DMXL1: variants seen among roughly 807,000 people sequenced by gnomAD.
DMXL1 encodes the protein Dmx like 1.
A neutral mutation model predicts 319.2 loss-of-function variants in DMXL1; 99 were observed. The observed-to-expected ratio is 0.31, with a 90% confidence interval of 0.26 to 0.37. DMXL1 has a LOEUF of 0.37. DMXL1 is among the 10% of genes least tolerant of loss of function. DMXL1 has a pLI of 1.00. For synonymous variants in DMXL1, 1,385 were observed against 1,235.2 expected, an observed-to-expected ratio of 1.12 and a Z score of -2.54; for missense variants, 3,745 against 3,595.6, an observed-to-expected ratio of 1.04 and a Z score of -1.06.
chr5:119,090,057 G>T, intron 1 of DMXL1, among the ~76,000 whole-genome samples: 2 of 89,216 alleles, frequency 2.2e-5, no homozygotes, highest in South Asian at 3.9e-4. Context: ...TTTCGCTCTT[G>T]TCGCCCATGC....
In DMXL1 at chr5:119,133,143, G is replaced by A; in HGVS notation, c.1327G>A (p.Gly443Ser). The A allele has an allele frequency of 1.2e-6, 2 of 1,613,854 alleles. No individual in the cohort carries two copies. The highest frequency in any genetic ancestry group is 1.7e-6 in the Non-Finnish European group (2 of 1,179,838). Residue 443 changes from glycine (G) to serine (S), a missense_variant, in exon 11 of 44, where the codon GGT becomes AGT. Physicochemically the swap from Gly to Ser is moderately conservative, Grantham distance 56. Coordinates refer to ENST00000539542, the MANE Select transcript of DMXL1 (RefSeq NM_001290321.3). ...TCTTTTGCTTATAGAAACTGATGAT[G>A]GTGTTGATGATCTGAAAATAAATCC... is the stretch of plus-strand genomic sequence containing the variant. ...DVKSDEETDDGVDDLKINPEK... is the reference protein window; with the variant it reads ...DVKSDEETDDSVDDLKINPEK...
intron 19 of DMXL1, among the ~76,000 whole-genome samples, chr5:119,154,368 A>G (rs576860178): frequency 6.6e-6 from 1 of 152,378 alleles, no homozygotes; most frequent in South Asian, 2.1e-4. Context: ...AAAGGAAACT[A>G]AACGTTCTCC....
chr5:119,242,453 G>A (rs936518344), intron 42 of DMXL1, among the ~76,000 whole-genome samples: 13 of 152,136 alleles, frequency 8.5e-5, no homozygotes, highest in Non-Finnish European at 1.6e-4. Flanking sequence ...CTATAAAAAT[G>A]ATTTAAATCA....
intron 19 of DMXL1, among the ~76,000 whole-genome samples, chr5:119,157,366 C>T (rs1162447185): frequency 6.6e-6 from 1 of 152,122 alleles, no homozygotes; most frequent in Non-Finnish European, 1.5e-5. Flanking sequence ...GTTGCCCGTC[C>T]CTTTGGTGTG....
At chr5:119,169,312 G>A (rs763677962) in intron 23 of DMXL1, among the ~76,000 whole-genome samples, 20 of 152,090 alleles carry the variant, frequency 1.3e-4, no homozygotes, top group Non-Finnish European at 2.5e-4. Context: ...AAATAATAGC[G>A]GCTTGGACCA....
At chr5:119,154,366 C>T (rs115150603) in intron 19 of DMXL1, among the ~76,000 whole-genome samples, 1,920 of 152,360 alleles carry the variant, frequency 0.013, 39 homozygotes, top group African/African-American at 0.044. Flanking sequence ...CCAAAGGAAA[C>T]TAAACGTTCT....
At chr5:119,133,014 C>G (rs1765269949) in intron 10 of DMXL1, 118 bp from the exon 11 acceptor site, 1 of 1,094,860 alleles carries the variant, frequency 9.1e-7, no homozygotes, top group African/African-American at 1.6e-5. Flanking sequence ...ACAGAGCTTC[C>G]ATGCTCTCCT....
chr5:119,098,017 C>A lies in DMXL1; in HGVS notation c.126C>A (p.Ser42Arg), dbSNP rs564874423. 24 of 1,606,232 alleles carry A rather than the reference C, an allele frequency of 1.5e-5. No homozygotes were observed. Among genetic ancestry groups the A allele is most frequent in the Non-Finnish European group, 2.0e-5 (24 of 1,177,556 alleles). Residue 42 changes from serine (S) to arginine (R), a missense_variant, in exon 2 of 44, where the codon AGC (serine) becomes AGA (arginine). This residue lies in a region of DMXL1 where 2,096 missense variants were observed against 1,985.4 expected (regional missense o/e 1.06). Coordinates refer to ENST00000539542, the MANE Select transcript of DMXL1 (RefSeq NM_001290321.3). ...GATGTGACATTGTAATACTGGGAAGCGATTTTGAAAGATTACAGATAATCC... is the reference window on the plus strand; with the variant it reads ...GATGTGACATTGTAATACTGGGAAGAGATTTTGAAAGATTACAGATAATCC... ...ASGCDIVILGSDFERLQIIPG... is the reference protein window; with the variant it reads ...ASGCDIVILGRDFERLQIIPG...
rs1290695257 is a variant in DMXL1 at position 119,086,751 on chromosome 5, A to AT, written c.88-11220dup. Among the ~76,000 whole-genome samples the AT allele has an allele frequency of 2.7e-5, 4 of 150,738 alleles. 1 individual carries two copies. The highest frequency in any genetic ancestry group is 9.8e-5 in the African/African-American group (4 of 40,946). The stretch of plus-strand genomic sequence containing the variant: ...CATTATTGATTTGTTGAGGTTTTGA[A>AT]TTTTTTTTGAAGAGTTTGAGTAGAG... On this transcript the variant is annotated intron_variant, in intron 1 of 43. Transcript: ENST00000539542.
rs189247262 is a variant in DMXL1, at chr5:119,192,975, T to C, written c.7315-853T>C. Among the ~76,000 whole-genome samples the C allele has an allele frequency of 2.7e-3, 413 of 152,308 alleles. 2 individuals carry two copies. The highest frequency in any genetic ancestry group is 9.4e-4 in the Non-Finnish European group (64 of 68,032). ...TTCTCCAAATCTATCAGCAGACCTG[T>C]TGGTTCTTTCTCCAAAATATATCTT... On this transcript the variant is annotated intron_variant, in intron 29 of 43. Coordinates refer to ENST00000539542, the MANE Select transcript of DMXL1 (RefSeq NM_001290321.3).
chr5:119,192,000 A>T (rs1778781917), intron 29 of DMXL1, among the ~76,000 whole-genome samples: 1 of 152,190 alleles, frequency 6.6e-6, no homozygotes, highest in Non-Finnish European at 1.5e-5. Flanking sequence ...AGGACTTACC[A>T]AGCTCTTTAC....
intron 21 of DMXL1, among the ~76,000 whole-genome samples, chr5:119,166,181 A>C (rs1773409455): frequency 6.6e-6 from 1 of 152,188 alleles, no homozygotes; most frequent in Non-Finnish European, 1.5e-5. Flanking sequence ...TTTGGGGGAA[A>C]AATCACGATA....
intron 34 of DMXL1, 38 bp downstream of exon 34, chr5:119,206,934 T>A: frequency 7.8e-7 from 1 of 1,278,950 alleles, no homozygotes; most frequent in Non-Finnish European, 1.1e-6. Context: ...AAAATTGCAT[T>A]CTTTCACAAA....
At chr5:119,079,849 T>G (rs921201432) in intron 1 of DMXL1, among the ~76,000 whole-genome samples, 1 of 152,206 alleles carries the variant, frequency 6.6e-6, no homozygotes, top group African/African-American at 2.4e-5. Flanking sequence ...CCCCACCCTC[T>G]TAGTCATTCT....
chr5:119,241,299 A>G (rs754342765), intron 42 of DMXL1, among the ~76,000 whole-genome samples: 2 of 152,122 alleles, frequency 1.3e-5, no homozygotes, highest in Non-Finnish European at 2.9e-5. Flanking sequence ...TGGGAGGCCA[A>G]GGCGGGTGGA....
Position 119,190,715 on chromosome 5 carries a change from ACT to A in DMXL1, c.7314+832_7314+833del, listed in dbSNP as rs1297425912. On this transcript the variant is annotated intron_variant, in intron 29 of 43. Coordinates refer to ENST00000539542, the MANE Select transcript of DMXL1 (RefSeq NM_001290321.3). Reference sequence around the variant, plus strand: ...TGTTGACAGTGCTGCCATTTGAAAGACTCTAGATGAACAGCCAGAGGAATTTA... The same window carrying A: ...TGTTGACAGTGCTGCCATTTGAAAGACTAGATGAACAGCCAGAGGAATTTA... 3.3e-5 allele frequency among the ~76,000 whole-genome samples: 5 copies of A among 152,304 alleles called. No individual in the cohort carries two copies. The East Asian group carries it at 9.6e-4, about 29-fold the overall frequency.
chr5:119,144,478 T>C, intron 14 of DMXL1, 58 bp from the exon 15 acceptor site: 4 of 1,232,468 alleles, frequency 3.2e-6, no homozygotes, highest in Non-Finnish European at 4.6e-6. Flanking sequence ...TTTCTGGCTA[T>C]TTAGCATTAG....
At chr5:119,175,398 G>A (rs763665464) in intron 26 of DMXL1, 61 bp downstream of exon 26, 35 of 1,232,726 alleles carry the variant, frequency 2.8e-5, no homozygotes, top group Non-Finnish European at 3.4e-5. Context: ...TTCATATTTT[G>A]TATGTTAGTG....
rs1304968605 is a variant in DMXL1 at position 119,238,969 on chromosome 5, A to T, written c.8560-20A>T. The T allele has an allele frequency of 1.2e-6, 2 of 1,613,256 alleles. No homozygotes were observed. Among genetic ancestry groups the T allele is most frequent in the South Asian group, 2.2e-5 (2 of 91,050 alleles). On this transcript the variant is annotated intron_variant, in intron 40 of 43. Coordinates refer to ENST00000539542, the MANE Select transcript of DMXL1 (RefSeq NM_001290321.3). ...ATTTTTAGTGAGAGGAGTAACACGT[A>T]TTGTTTGTAACCATTCCAGACTTGG... is the stretch of plus-strand genomic sequence containing the variant.
Sources: allele counts gnomAD v4.1 joint callset (sites outside exome capture counted in the v4.1 genomes callset), GRCh38; gene constraint gnomAD v4.1.1; regional missense constraint gnomAD v4.1.1; transcripts MANE v1.5; gene names NCBI Gene and HGNC (gene_info 2026-07-23, HGNC 2026-07-21).